The following DMRTC2 variants were observed in gnomAD, a reference collection of about 807,000 sequenced individuals.
DMRTC2 encodes doublesex- and mab-3-related transcription factor C2.
Under a neutral mutation model 39.9 loss-of-function variants are expected in DMRTC2, and 13 were observed. The ratio of observed to expected loss-of-function variants is 0.33; its 90% confidence interval spans 0.21 to 0.52. The LOEUF is 0.52. Ranked by LOEUF, DMRTC2 falls within the 20% of genes least tolerant of loss-of-function variation. DMRTC2 has a pLI of 0.96. For synonymous variants in DMRTC2, 189 were observed against 185.2 expected (o/e 1.02, Z -0.17); for missense variants, 431 against 472.8 (o/e 0.91, Z 0.82).
rs1459266172 is a variant in DMRTC2, at chr19:41,847,932, G to A, written c.370+51G>A. On this transcript the variant is annotated intron_variant, in intron 3 of 8. Transcript: ENST00000269945. Reference sequence around the variant, plus strand: ...GCAGGAGTTTGGGTACAGGAGGCAGGTATGGGAAAAAGAGGCCCAGTCCTG... The same window carrying A: ...GCAGGAGTTTGGGTACAGGAGGCAGATATGGGAAAAAGAGGCCCAGTCCTG... 4.6e-6 allele frequency: 7 copies of A among 1,535,730 alleles called. No individual in the cohort carries two copies. In the African/African-American group the frequency reaches 6.9e-5, roughly 15 times the overall value.
chr19:41,846,259 T>C lies in DMRTC2; in HGVS notation c.-5+1158T>C, dbSNP rs190099403. ...GTGGGGTGAGCATTGTTGAAGAGGA[T>C]GCCAGGAAACACTGTTGGGACGGAA... is the stretch of plus-strand genomic sequence containing the variant. On this transcript the variant is annotated intron_variant, in intron 1 of 8. Coordinates refer to ENST00000269945, the MANE Select transcript of DMRTC2 (RefSeq NM_001040283.3). Among the ~76,000 whole-genome samples, 619 of 152,236 alleles carry C rather than the reference T, an allele frequency of 4.1e-3. 2 individuals are homozygous for C. Among genetic ancestry groups the C allele is most frequent in the Non-Finnish European group, 6.6e-3 (451 of 68,000 alleles).
chr19:41,850,507 G>A lies in DMRTC2; in HGVS notation c.817-19G>A. 6.2e-7 allele frequency: 1 copy of A among 1,600,340 alleles called. No individual in the cohort carries two copies. The highest frequency in any genetic ancestry group is 8.5e-7 in the Non-Finnish European group (1 of 1,173,002). ...AGAAGCGGGGGTTCCCAGTCTGCTT[G>A]TCTCCCTTTCCCTTGCAGGCCTCTG... On this transcript the variant is annotated intron_variant, in intron 7 of 8. Coordinates refer to ENST00000269945, the MANE Select transcript of DMRTC2 (RefSeq NM_001040283.3).
chr19:41,850,470 T>TA (rs782253916), intron 7 of DMRTC2, 56 bp from the exon 8 acceptor site: 1 of 1,585,776 alleles, frequency 6.3e-7, no homozygotes, highest in African/African-American at 1.4e-5. Context: ...GAGGAACACT[T>TA]AGAGGGTGGG....
In DMRTC2 at chr19:41,847,732, T is replaced by G; in HGVS notation, c.225-4T>G. ...ACCTTTGACTTGCAACTCCCCACTT[T>G]TAGGGAGCGCCGCAGGGTCATGGCT... On this transcript the variant is annotated splice_region_variant and splice_polypyrimidine_tract_variant and intron_variant, in intron 2 of 8. Coordinates refer to ENST00000269945, the MANE Select transcript of DMRTC2 (RefSeq NM_001040283.3). The G allele has an allele frequency of 6.2e-7, 1 of 1,614,078 alleles. No homozygotes were observed. The highest frequency in any genetic ancestry group is 1.3e-5 in the African/African-American group (1 of 75,018).
chr19:41,849,490 G>A (rs2073923439), intron 6 of DMRTC2, among the ~76,000 whole-genome samples: 1 of 152,212 alleles, frequency 6.6e-6, no homozygotes, highest in Non-Finnish European at 1.5e-5. Context: ...TTACCTCTCT[G>A]ATTGTTGTAA....
Position 41,850,620 on chromosome 19 carries a change from C to T in DMRTC2, c.911C>T (p.Ser304Leu), listed in dbSNP as rs782117508. The change falls in exon 8 of 9, where the codon TCA (serine) becomes TTA (leucine). Residue 304 changes from serine (S) to leucine (L), a missense_variant. Physicochemically the swap from Ser to Leu is moderately radical, Grantham distance 145. Coordinates refer to ENST00000269945, the MANE Select transcript of DMRTC2 (RefSeq NM_001040283.3). ...GAAGCCCTCGTGGGGCTGAAAGATT[C>T]ATCCCAGGCTCCTCGTGTGACCCCT... ...AAEALVGLKD[S>L]SQAPRVTPSV... The T allele has an allele frequency of 1.9e-6, 3 of 1,613,678 alleles. No individual in the cohort carries two copies. Among genetic ancestry groups the T allele is most frequent in the Non-Finnish European group, 1.7e-6 (2 of 1,179,916 alleles).
rs544394774 is a variant in DMRTC2 at position 41,846,450 on chromosome 19, C to T, written c.-4-975C>T. Among the ~76,000 whole-genome samples, 5 of 152,058 alleles carry T rather than the reference C, an allele frequency of 3.3e-5. No individual in the cohort carries two copies. The South Asian group carries it at 1.0e-3, about 32-fold the overall frequency. Reference sequence around the variant, plus strand: ...ATGTCGGGCGCAGCAGCTCATGCCTCTGATCCTAGCACTGTGGGAGGCCAA... The same window carrying T: ...ATGTCGGGCGCAGCAGCTCATGCCTTTGATCCTAGCACTGTGGGAGGCCAA... On this transcript the variant is annotated intron_variant, in intron 1 of 8. Coordinates refer to ENST00000269945, the MANE Select transcript of DMRTC2 (RefSeq NM_001040283.3).
At position 41,851,244 on chromosome 19, in the gene DMRTC2, A is replaced by G. The variant is rs568237488; in HGVS notation, c.992-340A>G. 59 of 273,674 alleles carry G rather than the reference A, an allele frequency of 2.2e-4. 1 individual carries two copies. The highest frequency in any genetic ancestry group is 1.0e-3 in the African/African-American group (46 of 45,712). 17.0% of individuals were successfully genotyped at this position (273,674 alleles called of 1,614,324 possible). A position where few individuals can be genotyped will look rare whatever the true frequency, so the allele number is the denominator to read the frequency against. ...GGCAGACTGGCCTGGAGGAAATGCTAGAACAGAGGGAAAGGAGGCTGGAGA... is the reference window on the plus strand; with the variant it reads ...GGCAGACTGGCCTGGAGGAAATGCTGGAACAGAGGGAAAGGAGGCTGGAGA... On this transcript the variant is annotated intron_variant, in intron 8 of 8. Coordinates refer to ENST00000269945, the MANE Select transcript of DMRTC2 (RefSeq NM_001040283.3).
chr19:41,849,332 A>G, intron 6 of DMRTC2, 76 bp downstream of exon 6: 3 of 1,561,448 alleles, frequency 1.9e-6, no homozygotes. Flanking sequence ...GTGTCCAACC[A>G]CAGTGGATAA....
Position 41,848,497 on chromosome 19 carries a change from C to A in DMRTC2, c.416C>A (p.Ala139Glu). Residue 139 changes from alanine to glutamate, a missense_variant, in exon 4 of 9, where the codon GCA becomes GAA. Coordinates refer to ENST00000269945, the MANE Select transcript of DMRTC2 (RefSeq NM_001040283.3). ...CCCCAGCCTCAGACCCCCCATGGGGCAGTCCTGCTGGCACCGACACCCCCC... is the reference window on the plus strand; with the variant it reads ...CCCCAGCCTCAGACCCCCCATGGGGAAGTCCTGCTGGCACCGACACCCCCC... Reference protein sequence around the residue: ...IAPQPQTPHGAVLLAPTPPGK... With the variant: ...IAPQPQTPHGEVLLAPTPPGK... 3 of 1,603,884 alleles carry A rather than the reference C, an allele frequency of 1.9e-6. No homozygotes were observed. The African/African-American group carries it at 4.0e-5, about 22-fold the overall frequency.
intron 7 of DMRTC2, 33 bp downstream of exon 7, chr19:41,850,405 G>C: frequency 6.4e-7 from 1 of 1,565,416 alleles, no homozygotes; most frequent in Non-Finnish European, 8.7e-7. Flanking sequence ...TAGGGCCCTG[G>C]GAGGAGGTTG....
At chr19:41,846,488 G>A (rs1300467449) in intron 1 of DMRTC2, among the ~76,000 whole-genome samples, 1 of 151,984 alleles carries the variant, frequency 6.6e-6, no homozygotes, top group Non-Finnish European at 1.5e-5. Context: ...CAGGAGGATC[G>A]CTTGAGCCCA....
chr19:41,847,499 A>AC lies in DMRTC2; in HGVS notation c.76dup (p.Gln26ProfsTer64). The AC allele has an allele frequency of 6.2e-7, 1 of 1,613,022 alleles. No homozygotes were observed. Among genetic ancestry groups the AC allele is most frequent in the Non-Finnish European group, 8.5e-7 (1 of 1,179,526 alleles). Reference sequence around the variant, plus strand: ...TCTGCCCCCTGGGATGAGACCAGAGACCCCCAGAGCACAGAGCTGATCCCC... The same window carrying AC: ...TCTGCCCCCTGGGATGAGACCAGAGACCCCCCAGAGCACAGAGCTGATCCCC... On this transcript the variant is annotated frameshift_variant, in exon 2 of 9. Coordinates refer to ENST00000269945, the MANE Select transcript of DMRTC2 (RefSeq NM_001040283.3). LOFTEE classifies it high-confidence loss of function.
chr19:41,847,270 T>C (rs2073878847), intron 1 of DMRTC2, 155 bp from the exon 2 acceptor site: 1 of 979,758 alleles, frequency 1.0e-6, no homozygotes, highest in Non-Finnish European at 1.2e-6. Context: ...AGAAATGTCA[T>C]GGGGTAAAGA....
chr19:41,849,645 G>A (rs1262755115), intron 6 of DMRTC2, among the ~76,000 whole-genome samples: 2 of 152,206 alleles, frequency 1.3e-5, no homozygotes, highest in African/African-American at 4.8e-5. Context: ...CAGGAGAGGG[G>A]CCAGAGGCCA....
At chr19:41,846,950 C>G (rs2073867114) in intron 1 of DMRTC2, among the ~76,000 whole-genome samples, 2 of 151,694 alleles carry the variant, frequency 1.3e-5, no homozygotes, top group Admixed American at 1.3e-4. Context: ...CCGAGACAGG[C>G]AGATCACTTG....
chr19:41,845,783 C>T lies in DMRTC2; in HGVS notation c.-5+682C>T, dbSNP rs529420762. On this transcript the variant is annotated intron_variant, in intron 1 of 8. Transcript: ENST00000269945. ...CGGAGGTTGCAGTGAGCCGGGATTGCACTACTGCACTACAGCCTGGGCTAC... is the reference window on the plus strand; with the variant it reads ...CGGAGGTTGCAGTGAGCCGGGATTGTACTACTGCACTACAGCCTGGGCTAC... Among the ~76,000 whole-genome samples, 195 of 152,206 alleles carry T rather than the reference C, an allele frequency of 1.3e-3. 1 individual carries two copies. The highest frequency in any genetic ancestry group is 4.5e-3 in the African/African-American group (186 of 41,526).
chr19:41,851,712 G>A lies in DMRTC2; in HGVS notation c.*16G>A, dbSNP rs1555837434. On this transcript the variant is annotated 3_prime_UTR_variant, in exon 9 of 9. Transcript: ENST00000269945. ...CCTGAGCTAGAAACCCAGAGATGGA[G>A]GCTGTCTTGCTATGGCAGGGAGGTG... 2.5e-6 allele frequency: 4 copies of A among 1,611,374 alleles called. No individual in the cohort carries two copies. The highest frequency in any genetic ancestry group is 3.4e-6 in the Non-Finnish European group (4 of 1,177,564).
At position 41,847,316 on chromosome 19, in the gene DMRTC2, G is replaced by A. The variant is rs954714010; in HGVS notation, c.-4-109G>A. On this transcript the variant is annotated intron_variant, in intron 1 of 8. Coordinates refer to ENST00000269945, the MANE Select transcript of DMRTC2 (RefSeq NM_001040283.3). ...CTGGGAAAGAAGCCAGAATCAGGGCGGGGTCTAAAGAGGGGCAGGATGGAG... is the reference window on the plus strand; with the variant it reads ...CTGGGAAAGAAGCCAGAATCAGGGCAGGGTCTAAAGAGGGGCAGGATGGAG... 5.6e-6 allele frequency: 8 copies of A among 1,424,890 alleles called. No homozygotes were observed. The Admixed American group carries it at 1.0e-4, about 19-fold the overall frequency. 88.3% of individuals were successfully genotyped at this position (1,424,890 alleles called of 1,614,324 possible).
Sources: allele counts gnomAD v4.1 joint callset (sites outside exome capture counted in the v4.1 genomes callset), GRCh38; gene constraint gnomAD v4.1.1; transcripts MANE v1.5; gene names NCBI Gene and HGNC (gene_info 2026-07-23, HGNC 2026-07-21).